The following ZNF26 variants were observed in gnomAD, a reference collection of about 807,000 sequenced individuals.
The protein encoded by ZNF26 is epididymis luminal protein 179.
Under a neutral mutation model 54.9 loss-of-function variants are expected in ZNF26, and 32 were observed. The observed-to-expected ratio is 0.58, with a 90% CI of 0.44 to 0.78. The LOEUF is 0.78. Among genes scored for constraint, ZNF26 ranks in the 30% least tolerant of loss-of-function variants. ZNF26 has a pLI of 0.00. For missense variants in ZNF26, 524 were observed against 634.0 expected, an observed-to-expected ratio of 0.83 and a Z score of 1.86; for synonymous variants, 221 against 209.2, an observed-to-expected ratio of 1.06 and a Z score of -0.49.
intron 1 of ZNF26, chr12:133,006,043 T>C (rs1953316967): frequency 1.0e-6 from 1 of 981,940 alleles, no homozygotes; most frequent in Admixed American, 6.2e-5. Flanking sequence ...TTTTTTTTCT[T>C]TCTTTCATAA....
chr12:132,998,426 A>G (rs1237994253), intron 1 of ZNF26, among the ~76,000 whole-genome samples: 3 of 151,994 alleles, frequency 2.0e-5, no homozygotes, highest in Non-Finnish European at 1.5e-5. Context: ...CAGCCTCCCA[A>G]AGTGCTGGGA....
chr12:132,990,617 A>T (rs1434149582), intron 1 of ZNF26, among the ~76,000 whole-genome samples: 1 of 152,124 alleles, frequency 6.6e-6, no homozygotes, highest in Non-Finnish European at 1.5e-5. Flanking sequence ...GGAAAAAAAG[A>T]TTGGTGTGAT....
chr12:133,005,060 C>G (rs1953294280), intron 1 of ZNF26: 2 of 151,850 alleles, frequency 1.3e-5, no homozygotes, highest in African/African-American at 2.4e-5. Flanking sequence ...GTAGGTTTTT[C>G]TCATGTGAAC....
chr12:133,017,673 A>G lies in ZNF26; in HGVS notation c.*6192A>G. The G allele has an allele frequency of 6.6e-6, 1 of 152,240 alleles. No individual in the cohort carries two copies. Among genetic ancestry groups the G allele is most frequent in the East Asian group, 1.9e-4 (1 of 5,196 alleles). 9.4% of individuals were successfully genotyped at this position (152,240 alleles called of 1,614,324 possible). A position where few individuals can be genotyped will look rare whatever the true frequency, so the allele number is the denominator to read the frequency against. The stretch of plus-strand genomic sequence containing the variant: ...AGTAAAGGGTAATTATGTAATAATA[A>G]AAGATAGTGCAAGTGCAGATTTCTT... On this transcript the variant is annotated 3_prime_UTR_variant, in exon 4 of 4. Coordinates refer to ENST00000328654, the MANE Select transcript of ZNF26 (RefSeq NM_019591.4).
Position 133,023,307 on chromosome 12 carries a change from C to T in ZNF26, c.*11826C>T, listed in dbSNP as rs1316641005. On this transcript the variant is annotated 3_prime_UTR_variant, in exon 4 of 4. Transcript: ENST00000328654. ...GAATTGGAGTATCAAAAGCTTCCCT[C>T]AGTGAAATATAGCAAAGCCCAGATG... 4 of 152,112 alleles carry T rather than the reference C, an allele frequency of 2.6e-5. No individual in the cohort carries two copies. The highest frequency in any genetic ancestry group is 2.6e-4 in the Admixed American group (4 of 15,266). The allele number at this position is 152,112 out of a possible 1,614,324, so 9.4% of individuals were successfully genotyped here.
In ZNF26 at chr12:133,012,819, T is replaced by A. The variant is rs1247451042; in HGVS notation, c.*1338T>A. The A allele has an allele frequency of 2.6e-5, 4 of 152,164 alleles. No individual in the cohort carries two copies. Among genetic ancestry groups the A allele is most frequent in the African/African-American group, 9.7e-5 (4 of 41,396 alleles). The allele number at this position is 152,164 out of a possible 1,614,324, so 9.4% of individuals were successfully genotyped here. ...GTCTTGAACTCCTGACCTCAGGTGA[T>A]CTGCCCACTTCAGCCTCCCAAAGTC... On this transcript the variant is annotated 3_prime_UTR_variant, in exon 4 of 4. Transcript: ENST00000328654.
In ZNF26 at chr12:133,011,356, CAGA is replaced by C; in HGVS notation, c.1480_1482del (p.Lys494del). 6.2e-7 allele frequency: 1 copy of C among 1,613,890 alleles called. No homozygotes were observed. Among genetic ancestry groups the C allele is most frequent in the Non-Finnish European group, 8.5e-7 (1 of 1,179,968 alleles). ...CAGTGAATGTGGAAAAGCCTTCACTCAGAAGTCATCTCTCAGTGAACATCAGAG... is the reference window on the plus strand; with the variant it reads ...CAGTGAATGTGGAAAAGCCTTCACTCAGTCATCTCTCAGTGAACATCAGAG... On this transcript the variant is annotated inframe_deletion, in exon 4 of 4. Transcript: ENST00000328654.
intron 1 of ZNF26, among the ~76,000 whole-genome samples, chr12:133,000,860 GT>G (rs1342085774): frequency 1.3e-5 from 2 of 152,086 alleles, no homozygotes; most frequent in Non-Finnish European, 2.9e-5. Context: ...TGCCTGGCCT[GT>G]TTTCATTCGT....
Position 133,026,519 on chromosome 12 carries a change from C to CTTTTTTT in ZNF26, c.*15057_*15063dup, listed in dbSNP as rs77349696. On this transcript the variant is annotated 3_prime_UTR_variant, in exon 4 of 4. Coordinates refer to ENST00000328654, the MANE Select transcript of ZNF26 (RefSeq NM_019591.4). Reference sequence around the variant, plus strand: ...AAAAGGACAACTTCATATAGTTCAACTTTTTTTTTTTTTTTTTTTTTTTTT... The same window carrying CTTTTTTT: ...AAAAGGACAACTTCATATAGTTCAACTTTTTTTTTTTTTTTTTTTTTTTTTTTTTTTT... 4.1e-3 allele frequency: 505 copies of CTTTTTTT among 122,392 alleles called. 12 individuals carry two copies. The highest frequency in any genetic ancestry group is 0.018 in the African/African-American group (483 of 27,416). The allele number at this position is 122,392 out of a possible 1,614,324, so 7.6% of individuals were successfully genotyped here.
In ZNF26 at chr12:133,020,840, C is replaced by G. The variant is rs1041571563; in HGVS notation, c.*9359C>G. 1 of 152,208 alleles carries G rather than the reference C, an allele frequency of 6.6e-6. No homozygotes were observed. The highest frequency in any genetic ancestry group is 1.5e-5 in the Non-Finnish European group (1 of 68,044). 9.4% of individuals were successfully genotyped at this position (152,208 alleles called of 1,614,324 possible). The stretch of plus-strand genomic sequence containing the variant: ...TGGCTTGTAGATGGCTGTCTTCTCA[C>G]TGTCTCATCACATAATCTCCCTTCT... On this transcript the variant is annotated 3_prime_UTR_variant, in exon 4 of 4. Transcript: ENST00000328654.
Position 133,017,992 on chromosome 12 carries a change from G to C in ZNF26, c.*6511G>C, listed in dbSNP as rs1356526087. 2.6e-5 allele frequency: 4 copies of C among 152,280 alleles called. No individual in the cohort carries two copies. Among genetic ancestry groups the C allele is most frequent in the Non-Finnish European group, 4.4e-5 (3 of 68,076 alleles). 9.4% of individuals were successfully genotyped at this position (152,280 alleles called of 1,614,324 possible). ...CCACCGCACTTCAGCCTGGGCAACA[G>C]AGTGAGACTCCGTCTCAATAACAGC... On this transcript the variant is annotated 3_prime_UTR_variant, in exon 4 of 4. Coordinates refer to ENST00000328654, the MANE Select transcript of ZNF26 (RefSeq NM_019591.4).
At chr12:133,008,251 G>A (rs1043718229) in intron 3 of ZNF26, among the ~76,000 whole-genome samples, 7 of 152,156 alleles carry the variant, frequency 4.6e-5, no homozygotes, top group South Asian at 2.1e-4. Context: ...TAAAATTACC[G>A]TTCTTCCTCA....
rs889474759 is a variant in ZNF26 at position 133,004,008 on chromosome 12, A to G, written c.34-3034A>G. Among the ~76,000 whole-genome samples the G allele has an allele frequency of 5.3e-5, 8 of 152,146 alleles. No individual in the cohort carries two copies. In the East Asian group the frequency reaches 1.2e-3, roughly 22 times the overall value. Reference sequence around the variant, plus strand: ...CTTTCATTGATGTAGCATTTACCTGATATCTTTCTTCATTTCTTTATTTTC... The same window carrying G: ...CTTTCATTGATGTAGCATTTACCTGGTATCTTTCTTCATTTCTTTATTTTC... On this transcript the variant is annotated intron_variant, in intron 1 of 3. Coordinates refer to ENST00000328654, the MANE Select transcript of ZNF26 (RefSeq NM_019591.4).
In ZNF26 at chr12:133,010,115, A is replaced by AT; in HGVS notation, c.257-17dup. On this transcript the variant is annotated intron_variant, in intron 3 of 3. Transcript: ENST00000328654. The stretch of plus-strand genomic sequence containing the variant: ...TTTATGTTATGATTCAAAAAGTTAT[A>AT]TTTTGTTTGTTTTTTTGTAGATGGC... 2.5e-6 allele frequency: 4 copies of AT among 1,571,828 alleles called. No homozygotes were observed. In the South Asian group the frequency reaches 3.6e-5, roughly 14 times the overall value.
rs913145065 is a variant in ZNF26, at chr12:133,006,952, G to C, written c.34-90G>C. ...CCAGCCACAGGAAATAGTTGGTAGA[G>C]GAACATTTATCCCTTCCCAGTTCCT... On this transcript the variant is annotated intron_variant, in intron 1 of 3. Transcript: ENST00000328654. 23 of 1,450,574 alleles carry C rather than the reference G, an allele frequency of 1.6e-5. No individual in the cohort carries two copies. The East Asian group carries it at 4.8e-4, about 30-fold the overall frequency. 89.9% of individuals were successfully genotyped at this position (1,450,574 alleles called of 1,614,324 possible).
chr12:133,007,122 G>A lies in ZNF26; in HGVS notation c.114G>A (p.Leu38=). 1 of 1,614,114 alleles carries A rather than the reference G, an allele frequency of 6.2e-7. No individual in the cohort carries two copies. Among genetic ancestry groups the A allele is most frequent in the Non-Finnish European group, 8.5e-7 (1 of 1,179,954 alleles). Residue 38 remains leucine, a synonymous_variant, in exon 2 of 4, where the codon CTG becomes CTA. Coordinates refer to ENST00000328654, the MANE Select transcript of ZNF26 (RefSeq NM_019591.4). ...WQLLDSTQKY[L]YRDVILENYH... is the part of the protein sequence containing the mutation. ...TACTGGATTCTACACAGAAGTACCT[G>A]TACAGAGATGTGATATTGGAAAACT...
rs1407490695 is a variant in ZNF26 at position 133,016,362 on chromosome 12, C to T, written c.*4881C>T. 9.3e-5 allele frequency: 14 copies of T among 150,652 alleles called. No individual in the cohort carries two copies. The highest frequency in any genetic ancestry group is 3.4e-4 in the African/African-American group (14 of 41,076). 9.3% of individuals were successfully genotyped at this position (150,652 alleles called of 1,614,324 possible). A position where few individuals can be genotyped will look rare whatever the true frequency, so the allele number is the denominator to read the frequency against. Reference sequence around the variant, plus strand: ...TGCTAGGATTACAGGCATGAGCCATCGTACCCGGCCAGAGCATCCTTAATT... The same window carrying T: ...TGCTAGGATTACAGGCATGAGCCATTGTACCCGGCCAGAGCATCCTTAATT... On this transcript the variant is annotated 3_prime_UTR_variant, in exon 4 of 4. Transcript: ENST00000328654.
At chr12:133,006,795 A>G (rs2137251145) in intron 1 of ZNF26, 1 of 413,102 alleles carries the variant, frequency 2.4e-6, no homozygotes, top group South Asian at 3.1e-5. Flanking sequence ...GGGTTTCACC[A>G]TCTTGGTCAG....
At position 132,996,123 on chromosome 12, in the gene ZNF26, C is replaced by T. The variant is rs1352213245; in HGVS notation, c.33+9250C>T. 1.1e-4 allele frequency among the ~76,000 whole-genome samples: 16 copies of T among 152,284 alleles called. No individual in the cohort carries two copies. In the South Asian group the frequency reaches 2.9e-3, roughly 28 times the overall value. On this transcript the variant is annotated intron_variant, in intron 1 of 3. Coordinates refer to ENST00000328654, the MANE Select transcript of ZNF26 (RefSeq NM_019591.4). ...TATTGCAGGCTCCTCTCTACTGGTA[C>T]TTTGTTTCTGGAGCACCTTGAGGCT...
Sources: gnomAD v4.1 joint callset for allele counts (sites outside exome capture counted in the v4.1 genomes callset) on GRCh38, gnomAD v4.1.1 for gene constraint, MANE v1.5 for transcripts, NCBI Gene and HGNC (gene_info 2026-07-23, HGNC 2026-07-21) for gene names.